The following NEBL variants were observed in gnomAD, a reference collection of about 807,000 sequenced individuals.
NEBL encodes LIM and SH3 protein 2.
A neutral mutation model predicts 140.2 loss-of-function variants in NEBL; 122 were observed. That is an observed-to-expected ratio of 0.87 (90% CI 0.75 to 1.01). The LOEUF is 1.01. Among genes scored for constraint, NEBL ranks in the 50% least tolerant of loss-of-function variants. The probability of loss-of-function intolerance (pLI) is 0.00; values close to 1 mark genes in which losing one functional copy is unlikely to be tolerated. For synonymous variants in NEBL, 436 were observed against 398.9 expected, an observed-to-expected ratio of 1.09 and a Z score of -1.11; for missense variants, 1,365 against 1,231.3, an observed-to-expected ratio of 1.11 and a Z score of -1.62.
At chr10:20,949,129 C>T (rs548427519) in intron 4 of NEBL, among the ~76,000 whole-genome samples, 21 of 152,056 alleles carry the variant, frequency 1.4e-4, no homozygotes, top group South Asian at 4.2e-4. Flanking sequence ...ATTTGAATAC[C>T]CTTTATTTCT....
chr10:20,791,930 A>G (rs75761766), intron 26 of NEBL, among the ~76,000 whole-genome samples: 245 of 152,262 alleles, frequency 1.6e-3, no homozygotes, highest in African/African-American at 5.8e-3. Flanking sequence ...TGCAACAACT[A>G]TCTAAAACAG....
At chr10:21,245,355 G>A (rs960284610) in intron 3 of NEBL, among the ~76,000 whole-genome samples, 1 of 152,068 alleles carries the variant, frequency 6.6e-6, no homozygotes, top group African/African-American at 2.4e-5. Flanking sequence ...TTAAACTATG[G>A]TATGTTTTAT....
In NEBL at chr10:21,159,134, C is replaced by T. The variant is rs559115841; in HGVS notation, c.164+13249G>A. The stretch of plus-strand genomic sequence containing the variant: ...TCCACCCTTTTTTTAAAGATGTATT[C>T]CCCCTTTCTCTCTCTGAAATAATTA... On this transcript the variant is annotated intron_variant, in intron 2 of 6. Coordinates refer to the NEBL transcript ENST00000417816. Among the ~76,000 whole-genome samples the T allele has an allele frequency of 1.5e-4, 23 of 152,208 alleles. No individual in the cohort carries two copies. The South Asian group carries it at 2.9e-3, about 19-fold the overall frequency.
chr10:20,929,824 A>G (rs983193921), intron 4 of NEBL, among the ~76,000 whole-genome samples: 2 of 152,166 alleles, frequency 1.3e-5, no homozygotes, highest in Non-Finnish European at 2.9e-5. Context: ...TACAGTGTAT[A>G]CTATTGGGGT....
chr10:21,152,944 T>C (rs1249541386), intron 2 of NEBL, among the ~76,000 whole-genome samples: 3 of 152,206 alleles, frequency 2.0e-5, no homozygotes, highest in Non-Finnish European at 4.4e-5. Flanking sequence ...CTTATGTACT[T>C]AGAACCAAAG....
chr10:20,902,418 A>T (rs1847912751), intron 4 of NEBL, among the ~76,000 whole-genome samples: 1 of 138,506 alleles, frequency 7.2e-6, no homozygotes, highest in South Asian at 2.4e-4. Flanking sequence ...AAAAAAAAAA[A>T]ATTTAATAAG....
intron 2 of NEBL, among the ~76,000 whole-genome samples, chr10:21,072,452 T>G (rs1224443001): frequency 6.6e-6 from 1 of 152,176 alleles, no homozygotes; most frequent in Non-Finnish European, 1.5e-5. Context: ...AGCCACTACA[T>G]GAGAGGTGCC....
chr10:20,902,305 C>G (rs929302413), upstream of NEBL, among the ~76,000 whole-genome samples: 1 of 151,926 alleles, frequency 6.6e-6, no homozygotes, highest in Non-Finnish European at 1.5e-5. Flanking sequence ...ACTCGGGAGG[C>G]TGAGGCAGGA....
rs190353004 is a variant in NEBL at position 20,831,458 on chromosome 10, T to G, written c.1560+15A>C. Reference sequence around the variant, plus strand: ...CGGCATTTATTTTAAACTTTGTATCTTGCTGCTGTCTTACCTGGCTGGCCA... The same window carrying G: ...CGGCATTTATTTTAAACTTTGTATCGTGCTGCTGTCTTACCTGGCTGGCCA... On this transcript the variant is annotated intron_variant, in intron 15 of 27. Coordinates refer to ENST00000377122, the MANE Select transcript of NEBL (RefSeq NM_006393.3). 1 of 1,581,532 alleles carries G rather than the reference T, an allele frequency of 6.3e-7. No individual in the cohort carries two copies. The highest frequency in any genetic ancestry group is 1.1e-5 in the South Asian group (1 of 90,374).
intron 2 of NEBL, among the ~76,000 whole-genome samples, chr10:21,049,057 T>G (rs558734506): frequency 6.6e-6 from 1 of 152,236 alleles, no homozygotes; most frequent in African/African-American, 2.4e-5. Context: ...AATTCCTTCT[T>G]CTTTGCAAGA....
intron 26 of NEBL, among the ~76,000 whole-genome samples, chr10:20,794,883 T>C: frequency 6.6e-6 from 1 of 152,190 alleles, no homozygotes; most frequent in Admixed American, 6.5e-5. Context: ...GCGCTTAGGA[T>C]GTCACATGCT....
chr10:21,129,294 T>G (rs1291765058), intron 2 of NEBL, among the ~76,000 whole-genome samples: 1 of 151,864 alleles, frequency 6.6e-6, no homozygotes, highest in Non-Finnish European at 1.5e-5. Flanking sequence ...TATTTTATTT[T>G]TTAATAAAAA....
At chr10:21,085,392 C>A (rs1047314254) in intron 2 of NEBL, among the ~76,000 whole-genome samples, 1 of 152,026 alleles carries the variant, frequency 6.6e-6, no homozygotes, top group Non-Finnish European at 1.5e-5. Context: ...GAAGCCGAGG[C>A]GGAAGGACTG....
At chr10:21,166,523 CT>C (rs1400282378) in intron 2 of NEBL, among the ~76,000 whole-genome samples, 1 of 152,176 alleles carries the variant, frequency 6.6e-6, no homozygotes, top group Non-Finnish European at 1.5e-5. Context: ...CCCACTCTTT[CT>C]TCACCCCTCA....
At chr10:21,105,172 T>G (rs1837653282) in intron 2 of NEBL, among the ~76,000 whole-genome samples, 1 of 151,304 alleles carries the variant, frequency 6.6e-6, no homozygotes, top group South Asian at 2.1e-4. Context: ...AATATTGGCC[T>G]GTAATAATCT....
Position 20,845,418 on chromosome 10 carries a change from T to C in NEBL, c.1117-50A>G, listed in dbSNP as rs372593687. On this transcript the variant is annotated intron_variant, in intron 11 of 27. Coordinates refer to ENST00000377122, the MANE Select transcript of NEBL (RefSeq NM_006393.3). ...TAAAGTTAGCAAATATCAGTGACCA[T>C]TGAAAAGAGATTTGAACAAGAGTTC... 43 of 1,162,650 alleles carry C rather than the reference T, an allele frequency of 3.7e-5. No individual in the cohort carries two copies. In the African/African-American group the frequency reaches 4.4e-4, roughly 12 times the overall value. 72.0% of individuals were successfully genotyped at this position (1,162,650 alleles called of 1,614,324 possible).
intron 2 of NEBL, among the ~76,000 whole-genome samples, chr10:21,147,415 T>C (rs960795003): frequency 4.6e-5 from 7 of 151,132 alleles, no homozygotes; most frequent in South Asian, 4.2e-4. Context: ...TTTTTTTTTT[T>C]AGACAAACCT....
intron 1 of NEBL, among the ~76,000 whole-genome samples, chr10:21,260,123 G>A (rs903935307): frequency 6.6e-6 from 1 of 152,226 alleles, no homozygotes; most frequent in African/African-American, 2.4e-5. Flanking sequence ...GAAATGGTTT[G>A]CATTGGGTTA....
chr10:20,815,590 C>T (rs765801267), intron 22 of NEBL, 35 bp downstream of exon 22: 4 of 1,467,332 alleles, frequency 2.7e-6, no homozygotes, highest in Non-Finnish European at 1.9e-6. Context: ...AAGACACATC[C>T]TTTGTGATAG....
Sources: allele counts gnomAD v4.1 joint callset (sites outside exome capture counted in the v4.1 genomes callset), GRCh38; gene constraint gnomAD v4.1.1; transcripts MANE v1.5; gene names NCBI Gene and HGNC (gene_info 2026-07-23, HGNC 2026-07-21).